Variants in TMEM161B observed in about 807,000 individuals in gnomAD.
TMEM161B encodes the protein transmembrane protein 161B.
TMEM161B carries 34 observed loss-of-function variants against 61.8 expected under a neutral mutation model. The ratio of observed to expected loss-of-function variants is 0.55; its 90% CI spans 0.42 to 0.73. The LOEUF is 0.73. Ranked by LOEUF, TMEM161B falls within the 30% of genes least tolerant of loss-of-function variation. TMEM161B has a pLI of 0.00. For synonymous variants in TMEM161B, 167 were observed against 192.8 expected (o/e 0.87, Z 1.11); for missense variants, 456 against 558.5 (o/e 0.82, Z 1.85).
At chr5:88,209,761 T>C (rs1211408456) in intron 5 of TMEM161B, among the ~76,000 whole-genome samples, 1 of 152,182 alleles carries the variant, frequency 6.6e-6, no homozygotes, top group African/African-American at 2.4e-5. Flanking sequence ...GTTCAAGCTT[T>C]CATTCAATAG....
intron 2 of TMEM161B, among the ~76,000 whole-genome samples, chr5:88,239,107 A>G (rs1580618282): frequency 6.6e-6 from 1 of 152,016 alleles, no homozygotes; most frequent in Non-Finnish European, 1.5e-5. Flanking sequence ...ACACATTCTG[A>G]TCAGAAAAAG....
At chr5:88,253,123 T>C (rs1194322591) in intron 1 of TMEM161B, among the ~76,000 whole-genome samples, 3 of 152,106 alleles carry the variant, frequency 2.0e-5, no homozygotes, top group African/African-American at 7.2e-5. Flanking sequence ...ATTCTAGCTA[T>C]TTTTATTGAT....
chr5:88,199,255 G>A (rs983392147), intron 9 of TMEM161B, 105 bp from the exon 10 acceptor site: 84 of 1,119,938 alleles, frequency 7.5e-5, no homozygotes, highest in African/African-American at 3.8e-4. Flanking sequence ...TCTATACTTC[G>A]CAACAGTTAG....
In TMEM161B at chr5:88,196,323, G is replaced by C; in HGVS notation, c.1352C>G (p.Thr451Ser). 6.2e-7 allele frequency: 1 copy of C among 1,613,404 alleles called. No homozygotes were observed. Among genetic ancestry groups the C allele is most frequent in the Non-Finnish European group, 8.5e-7 (1 of 1,179,568 alleles). ...CAGAAGTCCTCGAAAAAGAAGAGGA[G>C]TAAAAATATTTTTTAAGCTGCTCAG... The part of the protein sequence containing the change: ...VALSSLKNIF[T>S]PLLFRGLLSF... Residue 451 changes from threonine to serine, a missense_variant, in exon 12 of 12, where the codon ACT becomes AGT. Thr to Ser is a moderately conservative substitution (Grantham distance 58). Coordinates refer to ENST00000296595, the MANE Select transcript of TMEM161B (RefSeq NM_153354.5).
chr5:88,187,788 T>C (rs557677521), downstream of TMEM161B, among the ~76,000 whole-genome samples: 7 of 152,200 alleles, frequency 4.6e-5, no homozygotes, highest in East Asian at 1.2e-3. Context: ...TTCTCTATTA[T>C]ACATTTGTGT....
chr5:88,232,527 A>G (rs1751171107), intron 2 of TMEM161B, among the ~76,000 whole-genome samples: 1 of 152,164 alleles, frequency 6.6e-6, no homozygotes, highest in African/African-American at 2.4e-5. Context: ...AGGAAAAATT[A>G]GATTTTATTT....
chr5:88,219,809 GAC>G (rs1198186549), intron 5 of TMEM161B, among the ~76,000 whole-genome samples: 1 of 151,988 alleles, frequency 6.6e-6, no homozygotes, highest in African/African-American at 2.4e-5. Flanking sequence ...CCTTTCTAAG[GAC>G]ACCATAGGAG....
At chr5:88,186,957 T>A (rs1212337044), downstream of TMEM161B, among the ~76,000 whole-genome samples, 1 of 152,174 alleles carries the variant, frequency 6.6e-6, no homozygotes, top group Non-Finnish European at 1.5e-5. Flanking sequence ...TAATACTTTG[T>A]GTCCTAAGAA....
intron 2 of TMEM161B, among the ~76,000 whole-genome samples, chr5:88,230,311 T>A (rs1469965117): frequency 6.6e-6 from 1 of 152,236 alleles, no homozygotes; most frequent in East Asian, 1.9e-4. Flanking sequence ...TGGTAATTTT[T>A]AAAAATCTCA....
intron 1 of TMEM161B, among the ~76,000 whole-genome samples, chr5:88,262,498 C>A (rs1400830183): frequency 1.3e-5 from 2 of 152,072 alleles, no homozygotes; most frequent in East Asian, 3.8e-4. Context: ...TGGAAGCAAC[C>A]AAGATATCCC....
At chr5:88,238,408 T>G (rs558541624) in intron 2 of TMEM161B, among the ~76,000 whole-genome samples, 16 of 152,188 alleles carry the variant, frequency 1.1e-4, no homozygotes, top group African/African-American at 3.9e-4. Flanking sequence ...TAACATGATA[T>G]ACACAGAAAC....
downstream of TMEM161B, among the ~76,000 whole-genome samples, chr5:88,191,031 ACAGG>A (rs1748776346): frequency 6.6e-6 from 1 of 152,212 alleles, no homozygotes; most frequent in Non-Finnish European, 1.5e-5. Flanking sequence ...TTAAAATAAC[ACAGG>A]CATTCAATAA....
At chr5:88,199,216 T>G in intron 9 of TMEM161B, 66 bp from the exon 10 acceptor site, 1 of 1,459,486 alleles carries the variant, frequency 6.9e-7, no homozygotes, top group South Asian at 1.3e-5. Context: ...TCGTTATATG[T>G]TAATGGTCAC....
At chr5:88,242,856 A>G (rs1413599301) in intron 1 of TMEM161B, among the ~76,000 whole-genome samples, 1 of 151,774 alleles carries the variant, frequency 6.6e-6, no homozygotes, top group Non-Finnish European at 1.5e-5. Context: ...CAAGTTGAAA[A>G]AAATAAAATA....
At chr5:88,268,389 G>C (rs1003340297) in intron 1 of TMEM161B, among the ~76,000 whole-genome samples, 1 of 152,194 alleles carries the variant, frequency 6.6e-6, no homozygotes, top group African/African-American at 2.4e-5. Context: ...GGGCGCAGAA[G>C]AGGTGACTGA....
intron 1 of TMEM161B, among the ~76,000 whole-genome samples, chr5:88,264,480 T>C (rs1281973264): frequency 1.3e-5 from 2 of 152,238 alleles, no homozygotes; most frequent in Non-Finnish European, 2.9e-5. Flanking sequence ...TTTACACTGC[T>C]GGTGGGAGGG....
At chr5:88,239,531 G>A (rs909456905) in intron 2 of TMEM161B, among the ~76,000 whole-genome samples, 1 of 151,786 alleles carries the variant, frequency 6.6e-6, no homozygotes, top group Non-Finnish European at 1.5e-5. Flanking sequence ...TAAAAAAATA[G>A]TTAAAGATTA....
At chr5:88,268,465 A>T (rs1312782096) in intron 1 of TMEM161B, among the ~76,000 whole-genome samples, 3 of 152,206 alleles carry the variant, frequency 2.0e-5, no homozygotes, top group Non-Finnish European at 4.4e-5. Flanking sequence ...GGCCATGAAC[A>T]GGCAGGCTAC....
chr5:88,202,562 T>C (rs113668759), intron 9 of TMEM161B: 1,958 of 187,518 alleles, frequency 0.01, 20 homozygotes, highest in Non-Finnish European at 0.015. Flanking sequence ...ATGGAAAATG[T>C]TAACAACTGT....
Sources: allele counts gnomAD v4.1 joint callset (sites outside exome capture counted in the v4.1 genomes callset), GRCh38; gene constraint gnomAD v4.1.1; transcripts MANE v1.5; gene names NCBI Gene and HGNC (gene_info 2026-07-23, HGNC 2026-07-21).